CABCOCO1: variants seen among roughly 807,000 people sequenced by gnomAD.
The protein encoded by CABCOCO1 is ciliary-associated calcium-binding coiled-coil protein 1.
A neutral mutation model predicts 35.7 loss-of-function variants in CABCOCO1; 28 were observed. The observed-to-expected ratio is 0.78, with a 90% CI of 0.58 to 1.07. The LOEUF (loss-of-function observed/expected upper bound fraction) is 1.07, where lower values mean the gene tolerates loss of function less well. Among genes scored for constraint, CABCOCO1 ranks in the 50% least tolerant of loss-of-function variants. The pLI is 0.00. For synonymous variants in CABCOCO1, 95 were observed against 100.1 expected, an observed-to-expected ratio of 0.95 and a Z score of 0.30; for missense variants, 326 against 309.2, an observed-to-expected ratio of 1.05 and a Z score of -0.41.
chr10:61,676,473 A>G (rs770853520), intron 2 of CABCOCO1, among the ~76,000 whole-genome samples: 1 of 152,216 alleles, frequency 6.6e-6, no homozygotes, highest in Non-Finnish European at 1.5e-5. Context: ...TCCTTTTCTC[A>G]CCAAAATAAA....
chr10:61,702,235 G>A (rs1222186266), intron 5 of CABCOCO1, among the ~76,000 whole-genome samples: 1 of 152,166 alleles, frequency 6.6e-6, no homozygotes, highest in African/African-American at 2.4e-5. Flanking sequence ...GATGATCTAT[G>A]AGTATGTGAC....
At chr10:61,692,067 A>G (rs1228364953) in intron 5 of CABCOCO1, among the ~76,000 whole-genome samples, 1 of 152,160 alleles carries the variant, frequency 6.6e-6, no homozygotes, top group Non-Finnish European at 1.5e-5. Flanking sequence ...AGGAATCACT[A>G]TACTGTCTTC....
At position 61,691,992 on chromosome 10, in the gene CABCOCO1, C is replaced by G. The variant is rs190138695; in HGVS notation, c.552+1371C>G. Among the ~76,000 whole-genome samples, 171 of 152,154 alleles carry G rather than the reference C, an allele frequency of 1.1e-3. 1 individual carries two copies. Among genetic ancestry groups the G allele is most frequent in the African/African-American group, 3.9e-3 (162 of 41,500 alleles). On this transcript the variant is annotated intron_variant, in intron 5 of 7. Coordinates refer to ENST00000648843, the MANE Select transcript of CABCOCO1 (RefSeq NM_001366906.2). ...TCTTTATAGTAGAATGATTTATAAT[C>G]CTTTGGGTATATACCTAGTAATGGG...
intron 5 of CABCOCO1, among the ~76,000 whole-genome samples, chr10:61,710,157 T>C (rs7918546): frequency 0.43 from 65,391 of 151,820 alleles, 15,838 homozygotes; most frequent in Non-Finnish European, 0.54. Context: ...TGTATATCAC[T>C]GATGGAAACT....
chr10:61,667,048 T>G (rs938689332), intron 1 of CABCOCO1, among the ~76,000 whole-genome samples: 5 of 142,398 alleles, frequency 3.5e-5, no homozygotes, highest in African/African-American at 1.3e-4. Flanking sequence ...TATATAAATT[T>G]CATATATTAT....
intron 5 of CABCOCO1, among the ~76,000 whole-genome samples, chr10:61,746,639 T>C (rs1376066767): frequency 6.6e-6 from 1 of 152,278 alleles, no homozygotes; most frequent in East Asian, 1.9e-4. Flanking sequence ...GTTCTAAGCA[T>C]CCATGTTTTG....
intron 7 of CABCOCO1, among the ~76,000 whole-genome samples, chr10:61,762,711 A>G (rs868318530): frequency 6.6e-6 from 1 of 152,118 alleles, no homozygotes; most frequent in Non-Finnish European, 1.5e-5. Flanking sequence ...TTATTTGTCC[A>G]GAGTTCCCAG....
intron 5 of CABCOCO1, among the ~76,000 whole-genome samples, chr10:61,740,321 A>G (rs956328295): frequency 6.6e-6 from 1 of 152,196 alleles, no homozygotes; most frequent in Admixed American, 6.5e-5. Flanking sequence ...CATGATAGAA[A>G]GATGCCAGAT....
intron 1 of CABCOCO1, among the ~76,000 whole-genome samples, chr10:61,664,985 T>C (rs960103781): frequency 7.2e-5 from 11 of 152,238 alleles, no homozygotes; most frequent in Admixed American, 3.9e-4. Context: ...TTCTAATAAA[T>C]TCTGTATCCA....
At chr10:61,741,293 T>C (rs1202670711) in intron 5 of CABCOCO1, among the ~76,000 whole-genome samples, 1 of 152,158 alleles carries the variant, frequency 6.6e-6, no homozygotes. Context: ...AAGTGAATCA[T>C]ATGACAACAT....
intron 5 of CABCOCO1, among the ~76,000 whole-genome samples, chr10:61,696,840 A>C (rs1006999320): frequency 6.6e-6 from 1 of 152,056 alleles, no homozygotes; most frequent in African/African-American, 2.4e-5. Flanking sequence ...TTTCTTTGAT[A>C]AAATAAGAAA....
At chr10:61,761,321 T>G (rs1415550576) in intron 7 of CABCOCO1, among the ~76,000 whole-genome samples, 1 of 152,066 alleles carries the variant, frequency 6.6e-6, no homozygotes, top group African/African-American at 2.4e-5. Flanking sequence ...TTGGAATGCA[T>G]TTCTGAATGG....
chr10:61,732,929 C>A (rs1221641953), intron 5 of CABCOCO1, among the ~76,000 whole-genome samples: 1 of 151,972 alleles, frequency 6.6e-6, no homozygotes, highest in Non-Finnish European at 1.5e-5. Flanking sequence ...AAATCTTGAT[C>A]TTTATCATTA....
At chr10:61,727,984 C>T (rs1841200655) in intron 5 of CABCOCO1, among the ~76,000 whole-genome samples, 1 of 152,180 alleles carries the variant, frequency 6.6e-6, no homozygotes, top group Admixed American at 6.5e-5. Flanking sequence ...TTTACATTAG[C>T]ATCTGTTACA....
chr10:61,704,369 T>TA (rs1376303310), intron 5 of CABCOCO1, among the ~76,000 whole-genome samples: 1 of 152,192 alleles, frequency 6.6e-6, no homozygotes, highest in Non-Finnish European at 1.5e-5. Flanking sequence ...GATGAGGCTA[T>TA]AAAAAACCTG....
At chr10:61,665,886 C>CAAAA (rs72066420) in intron 1 of CABCOCO1, among the ~76,000 whole-genome samples, 3 of 98,298 alleles carry the variant, frequency 3.1e-5, no homozygotes, top group African/African-American at 1.1e-4. Flanking sequence ...GACTCCGTCT[C>CAAAA]AAAAAAAAAA....
At chr10:61,761,244 C>T (rs1457508167) in intron 7 of CABCOCO1, among the ~76,000 whole-genome samples, 1 of 151,760 alleles carries the variant, frequency 6.6e-6, no homozygotes, top group Non-Finnish European at 1.5e-5. Flanking sequence ...AACAACAAAA[C>T]CCAAAAAATA....
chr10:61,736,580 C>T (rs1001633399), intron 5 of CABCOCO1, among the ~76,000 whole-genome samples: 6 of 152,074 alleles, frequency 3.9e-5, no homozygotes, highest in African/African-American at 1.2e-4. Flanking sequence ...AACATGATTC[C>T]TCCAGATTTG....
intron 5 of CABCOCO1, among the ~76,000 whole-genome samples, chr10:61,748,813 C>T (rs956585497): frequency 1.1e-4 from 16 of 152,158 alleles, no homozygotes; most frequent in African/African-American, 3.6e-4. Context: ...CCTGTGGGAC[C>T]ACTGTTGAGA....
Sources: gnomAD v4.1 joint callset for allele counts (sites outside exome capture counted in the v4.1 genomes callset) on GRCh38, gnomAD v4.1.1 for gene constraint, MANE v1.5 for transcripts, NCBI Gene and HGNC (gene_info 2026-07-23, HGNC 2026-07-21) for gene names.